GPC5: variants seen among roughly 807,000 people sequenced by gnomAD.
GPC5 encodes glypican-5.
A neutral mutation model predicts 53.9 loss-of-function variants in GPC5; 47 were observed. The ratio of observed to expected loss-of-function variants is 0.87; its 90% CI spans 0.69 to 1.11. The LOEUF (loss-of-function observed/expected upper bound fraction) is 1.11. Among genes scored for constraint, GPC5 ranks in the 50% most tolerant of loss-of-function variants. The pLI is 0.00. For missense variants in GPC5, 748 were observed against 713.1 expected (o/e 1.05, Z -0.56); for synonymous variants, 286 against 263.3 (o/e 1.09, Z -0.84).
chr13:92,720,766 C>T (rs1301092659), intron 7 of GPC5, among the ~76,000 whole-genome samples: 1 of 152,078 alleles, frequency 6.6e-6, no homozygotes, highest in African/African-American at 2.4e-5. Context: ...ATAAACTTCG[C>T]TGTTCTACTT....
intron 2 of GPC5, among the ~76,000 whole-genome samples, chr13:91,463,597 T>C (rs184996900): frequency 9.2e-5 from 14 of 152,216 alleles, no homozygotes; most frequent in Admixed American, 2.6e-4. Flanking sequence ...GACGAAGGGA[T>C]AGACACGTAG....
chr13:92,434,206 C>A (rs1345688769), intron 7 of GPC5, among the ~76,000 whole-genome samples: 1 of 152,014 alleles, frequency 6.6e-6, no homozygotes, highest in Non-Finnish European at 1.5e-5. Flanking sequence ...TCACAGTGGC[C>A]AACACCTTTC....
At chr13:92,794,205 C>A (rs1036195382) in intron 7 of GPC5, among the ~76,000 whole-genome samples, 3 of 152,098 alleles carry the variant, frequency 2.0e-5, no homozygotes, top group Non-Finnish European at 4.4e-5. Flanking sequence ...CGGTTTCATC[C>A]CTGGGATGCA....
At chr13:91,826,799 C>T (rs1017604654) in intron 5 of GPC5, among the ~76,000 whole-genome samples, 1 of 151,998 alleles carries the variant, frequency 6.6e-6, no homozygotes, top group African/African-American at 2.4e-5. Flanking sequence ...TTTAAAAACA[C>T]TGTTCAATTG....
At chr13:92,494,056 T>TG (rs138306080) in intron 7 of GPC5, among the ~76,000 whole-genome samples, 2 of 102,350 alleles carry the variant, frequency 2.0e-5, no homozygotes. Flanking sequence ...TACTTTGTGT[T>TG]TTTTTTTGTT....
intron 6 of GPC5, among the ~76,000 whole-genome samples, chr13:92,078,600 C>A (rs2041270909): frequency 6.6e-6 from 1 of 152,162 alleles, no homozygotes; most frequent in Admixed American, 6.5e-5. Flanking sequence ...TCTGTCATTT[C>A]TTTATCTTTA....
At chr13:92,023,604 G>T (rs2138794366) in intron 6 of GPC5, among the ~76,000 whole-genome samples, 1 of 151,452 alleles carries the variant, frequency 6.6e-6, no homozygotes, top group Middle Eastern at 3.4e-3. Flanking sequence ...TACTTGGTGT[G>T]TCTGTGATAT....
At chr13:92,479,253 G>T (rs1054792266) in intron 7 of GPC5, among the ~76,000 whole-genome samples, 3 of 152,142 alleles carry the variant, frequency 2.0e-5, no homozygotes, top group African/African-American at 7.2e-5. Flanking sequence ...TACCACGATT[G>T]GGCCCAGGAG....
At chr13:91,907,503 TTATA>T (rs369447673) in intron 5 of GPC5, among the ~76,000 whole-genome samples, 1 of 129,552 alleles carries the variant, frequency 7.7e-6, no homozygotes, top group South Asian at 2.4e-4. Flanking sequence ...CTCTCTCTCT[TTATA>T]TATATATATA....
At chr13:91,539,928 G>T (rs928945938) in intron 2 of GPC5, among the ~76,000 whole-genome samples, 1 of 152,008 alleles carries the variant, frequency 6.6e-6, no homozygotes, top group African/African-American at 2.4e-5. Context: ...GCATAATGGG[G>T]ACGTGTTTGC....
intron 7 of GPC5, among the ~76,000 whole-genome samples, chr13:92,402,618 G>A (rs906003099): frequency 6.6e-6 from 1 of 152,208 alleles, no homozygotes; most frequent in African/African-American, 2.4e-5. Context: ...GGAACATGCA[G>A]CCTAGACCCC....
At chr13:92,328,785 T>G (rs574710042) in intron 7 of GPC5, among the ~76,000 whole-genome samples, 66 of 152,250 alleles carry the variant, frequency 4.3e-4, no homozygotes, top group Non-Finnish European at 8.8e-4. Flanking sequence ...TATTTCAAAT[T>G]TTCTGGTCCT....
At chr13:92,497,733 A>T (rs1880030761) in intron 7 of GPC5, among the ~76,000 whole-genome samples, 1 of 152,124 alleles carries the variant, frequency 6.6e-6, no homozygotes, top group Admixed American at 6.5e-5. Context: ...CTTCCTATCC[A>T]TGAGGATAGA....
chr13:92,084,263 G>T (rs1215381211), intron 6 of GPC5, among the ~76,000 whole-genome samples: 1 of 152,198 alleles, frequency 6.6e-6, no homozygotes, highest in Non-Finnish European at 1.5e-5. Flanking sequence ...TCCTGCACAT[G>T]TATCCCAGAA....
chr13:91,810,389 T>G (rs2038291053), intron 5 of GPC5, among the ~76,000 whole-genome samples: 1 of 152,000 alleles, frequency 6.6e-6, no homozygotes, highest in Admixed American at 6.6e-5. Flanking sequence ...TCATAATACC[T>G]TATGTTATAG....
intron 2 of GPC5, among the ~76,000 whole-genome samples, chr13:91,508,931 G>A (rs1018762408): frequency 1.3e-5 from 2 of 152,132 alleles, no homozygotes; most frequent in Admixed American, 6.6e-5. Flanking sequence ...AGCAGAGCTC[G>A]AGTTAGCCCT....
intron 2 of GPC5, among the ~76,000 whole-genome samples, chr13:91,661,299 A>G (rs1594394739): frequency 6.6e-6 from 1 of 152,188 alleles, no homozygotes; most frequent in African/African-American, 2.4e-5. Context: ...TCTGGGCAGC[A>G]TTTTAGAATT....
chr13:91,426,918 C>A (rs542340341), intron 1 of GPC5, among the ~76,000 whole-genome samples: 1 of 152,136 alleles, frequency 6.6e-6, no homozygotes, highest in Non-Finnish European at 1.5e-5. Flanking sequence ...ATCACATGTG[C>A]CTAAAAGGGG....
chr13:92,305,149 G>C (rs1235424324), intron 7 of GPC5, among the ~76,000 whole-genome samples: 1 of 152,082 alleles, frequency 6.6e-6, no homozygotes, highest in African/African-American at 2.4e-5. Flanking sequence ...ATTGTCATCA[G>C]AAACAGTCAT....
Sources: allele counts gnomAD v4.1 joint callset (sites outside exome capture counted in the v4.1 genomes callset), GRCh38; gene constraint gnomAD v4.1.1; transcripts MANE v1.5; gene names NCBI Gene and HGNC (gene_info 2026-07-23, HGNC 2026-07-21).